DAB2IP: variants seen among roughly 807,000 people sequenced by gnomAD.
The protein encoded by DAB2IP is DAB2 interacting protein.
In DAB2IP, 28 loss-of-function variants were observed where a neutral mutation model predicts 107.2. The ratio of observed to expected loss-of-function variants is 0.26; its 90% confidence interval spans 0.19 to 0.36. The LOEUF (loss-of-function observed/expected upper bound fraction) is 0.36. Among genes scored for constraint, DAB2IP ranks in the 10% least tolerant of loss-of-function variants. DAB2IP has a pLI of 1.00. For missense variants in DAB2IP, 1,400 were observed against 1,644.7 expected, an observed-to-expected ratio of 0.85 and a Z score of 2.57; for synonymous variants, 755 against 706.4, an observed-to-expected ratio of 1.07 and a Z score of -1.09.
At chr9:121,758,539 C>T (rs772044814) in intron 4 of DAB2IP, among the ~76,000 whole-genome samples, 1 of 152,116 alleles carries the variant, frequency 6.6e-6, no homozygotes, top group African/African-American at 2.4e-5. Flanking sequence ...TAAGCATTGC[C>T]CTCTGACCTG....
intron 8 of DAB2IP, among the ~76,000 whole-genome samples, chr9:121,766,155 G>A (rs1834260897): frequency 6.6e-6 from 1 of 152,226 alleles, no homozygotes; most frequent in South Asian, 2.1e-4. Flanking sequence ...AAGCTGGAGA[G>A]GTGGTTCAGC....
At chr9:121,752,560 G>A (rs1364714110) in intron 3 of DAB2IP, among the ~76,000 whole-genome samples, 1 of 152,230 alleles carries the variant, frequency 6.6e-6, no homozygotes, top group Non-Finnish European at 1.5e-5. Flanking sequence ...ACTGAAGCTG[G>A]GTGCTGAAGG....
At chr9:121,747,361 C>T (rs34827543) in intron 3 of DAB2IP, among the ~76,000 whole-genome samples, 7,631 of 105,072 alleles carry the variant, frequency 0.073, 451 homozygotes, top group African/African-American at 0.2. Context: ...TTTTTTTTTT[C>T]CCCTGAGACA....
At chr9:121,748,371 T>C (rs1832861027) in intron 3 of DAB2IP, among the ~76,000 whole-genome samples, 1 of 152,104 alleles carries the variant, frequency 6.6e-6, no homozygotes, top group South Asian at 2.1e-4. Context: ...GCCAAGAGTG[T>C]CCCACAGAGG....
rs1833812353 is a variant in DAB2IP at position 121,760,519 on chromosome 9, T to G, written c.1170+80T>G. 6.9e-7 allele frequency: 1 copy of G among 1,455,608 alleles called. No individual in the cohort carries two copies. Among genetic ancestry groups the G allele is most frequent in the African/African-American group, 1.4e-5 (1 of 70,684 alleles). The allele number at this position is 1,455,608 out of a possible 1,614,324, so 90.2% of individuals were successfully genotyped here. On this transcript the variant is annotated intron_variant, in intron 6 of 15. Transcript: ENST00000408936. This position sits in a 1 kb window ranked among gnomAD's most constrained non-coding sequence, Gnocchi z 5.9. ...CTGCCCTTCCTCACATCCGTACATT[T>G]CAGGCCTAACAGAGGCCTTGGAGGC...
chr9:121,692,265 CTGTG>C (rs1829199962), intron 2 of DAB2IP, among the ~76,000 whole-genome samples: 1 of 152,028 alleles, frequency 6.6e-6, no homozygotes. Flanking sequence ...TGTTTCATGG[CTGTG>C]TATGTGTGTA....
intron 2 of DAB2IP, among the ~76,000 whole-genome samples, chr9:121,686,343 T>C (rs2118661271): frequency 6.6e-6 from 1 of 152,318 alleles, no homozygotes; most frequent in South Asian, 2.1e-4. Flanking sequence ...AGCCAGCCTC[T>C]GTACCCCCTC....
chr9:121,578,057 G>A (rs774025797), intron 1 of DAB2IP, among the ~76,000 whole-genome samples: 1 of 152,042 alleles, frequency 6.6e-6, no homozygotes, highest in African/African-American at 2.4e-5. Flanking sequence ...GGGAATCTGG[G>A]GGGTGGGTGC....
chr9:121,637,438 T>C (rs774532066), intron 1 of DAB2IP, among the ~76,000 whole-genome samples: 1 of 152,206 alleles, frequency 6.6e-6, no homozygotes, highest in Non-Finnish European at 1.5e-5. Flanking sequence ...GAAAGGTAGA[T>C]TGAGATCATG....
At chr9:121,636,196 C>T (rs1015261771) in intron 1 of DAB2IP, among the ~76,000 whole-genome samples, 3 of 152,134 alleles carry the variant, frequency 2.0e-5, no homozygotes, top group Non-Finnish European at 2.9e-5. Context: ...GCGTGAGCCA[C>T]GGTGCCCAGC....
chr9:121,751,633 G>C, intron 3 of DAB2IP: 1 of 152,696 alleles, frequency 6.5e-6, no homozygotes, highest in Non-Finnish European at 1.5e-5. Flanking sequence ...GGGGAGGAGA[G>C]TCCAGGTCAC....
chr9:121,763,416 C>G, intron 6 of DAB2IP, 89 bp from the exon 7 acceptor site: 1 of 1,505,040 alleles, frequency 6.6e-7, no homozygotes, highest in Non-Finnish European at 8.9e-7. Flanking sequence ...CCTCAAAATG[C>G]CAGGACTTCT....
exon 16 of DAB2IP, chr9:121,783,788 A>C: frequency 1.7e-6 from 1 of 593,080 alleles, no homozygotes; most frequent in Non-Finnish European, 3.0e-6. Context: ...GGTTTTCCTC[A>C]GCTCTAGGCT....
At chr9:121,613,193 G>A (rs1464563009) in intron 1 of DAB2IP, among the ~76,000 whole-genome samples, 1 of 152,326 alleles carries the variant, frequency 6.6e-6, no homozygotes, top group African/African-American at 2.4e-5. Flanking sequence ...GAGGTAATGT[G>A]TGTAAAGTGC....
intron 1 of DAB2IP, among the ~76,000 whole-genome samples, chr9:121,654,773 G>A (rs905919620): frequency 3.3e-5 from 5 of 152,208 alleles, no homozygotes; most frequent in Non-Finnish European, 7.3e-5. Context: ...TGGTAGCATC[G>A]GACCTCAGAG....
At chr9:121,740,609 C>A (rs540717063) in intron 3 of DAB2IP, among the ~76,000 whole-genome samples, 1 of 152,236 alleles carries the variant, frequency 6.6e-6, no homozygotes, top group South Asian at 2.1e-4. Flanking sequence ...CCCCAACAAC[C>A]CTGCCCCAAG....
chr9:121,720,519 T>C (rs1830865723), intron 3 of DAB2IP, among the ~76,000 whole-genome samples: 1 of 152,192 alleles, frequency 6.6e-6, no homozygotes, highest in Non-Finnish European at 1.5e-5. Flanking sequence ...ACAAGGAAAC[T>C]GAAGCTTAGG....
At chr9:121,693,910 G>C (rs945297204) in intron 2 of DAB2IP, among the ~76,000 whole-genome samples, 1 of 152,182 alleles carries the variant, frequency 6.6e-6, no homozygotes, top group African/African-American at 2.4e-5. Flanking sequence ...GGTGACGTGG[G>C]GCTCCCGGGT....
chr9:121,600,102 C>A (rs2118950927), intron 1 of DAB2IP, among the ~76,000 whole-genome samples: 1 of 152,104 alleles, frequency 6.6e-6, no homozygotes, highest in South Asian at 2.1e-4. Context: ...CCGCGGGCGG[C>A]GGGAGTTGGG....
Sources: allele counts gnomAD v4.1 joint callset (sites outside exome capture counted in the v4.1 genomes callset), GRCh38; gene constraint gnomAD v4.1.1; non-coding constraint Gnocchi (gnomAD v3.1); transcripts MANE v1.5; gene names NCBI Gene and HGNC (gene_info 2026-07-23, HGNC 2026-07-21).